YAE1: variants seen among roughly 807,000 people sequenced by gnomAD.
YAE1 encodes the protein protein YAE1 homolog.
YAE1 carries 22 observed loss-of-function variants against 23.0 expected under a neutral mutation model. That is an observed-to-expected ratio of 0.96 (90% CI 0.68 to 1.37). The LOEUF (loss-of-function observed/expected upper bound fraction) is 1.37, where lower values mean the gene tolerates loss of function less well. Ranked by LOEUF, YAE1 falls within the 40% of genes most tolerant of loss-of-function variation. The probability of loss-of-function intolerance (pLI) is 0.00; values close to 1 mark genes in which losing one functional copy is unlikely to be tolerated. For missense variants in YAE1, 260 were observed against 262.1 expected (o/e 0.99, Z 0.06); for synonymous variants, 101 against 97.0 (o/e 1.04, Z -0.24).
intron 2 of YAE1, among the ~76,000 whole-genome samples, chr7:39,601,587 C>T (rs139609704): frequency 1.4e-3 from 206 of 151,988 alleles, no homozygotes; most frequent in Middle Eastern, 6.8e-3. Flanking sequence ...TGGTGAAACC[C>T]CATCTCTACT....
At position 39,609,694 on chromosome 7, in the gene YAE1, G is replaced by C. The variant is rs544221052; in HGVS notation, c.329G>C (p.Arg110Pro). The change falls in exon 3 of 3, where the codon CGT (arginine) becomes CCT (proline). Residue 110 changes from arginine (R) to proline (P), a missense_variant. Coordinates refer to the YAE1 transcript ENST00000432096. ...GAGGTTGGGACGCAACTACTGCCGC[G>C]TCCCCTCCCGGTCCCCGGCCACATG... 2.4e-4 allele frequency: 376 copies of C among 1,535,612 alleles called. 4 individuals are homozygous for C. The African/African-American group carries it at 4.5e-3, about 18-fold the overall frequency.
intron 2 of YAE1, among the ~76,000 whole-genome samples, chr7:39,583,548 G>T (rs1201978575): frequency 6.6e-6 from 1 of 152,226 alleles, no homozygotes; most frequent in East Asian, 1.9e-4. Flanking sequence ...AAGAGAATAT[G>T]ATATTTACAG....
At chr7:39,609,482 G>A (rs879517178) in intron 2 of YAE1, 13 of 1,220,342 alleles carry the variant, frequency 1.1e-5, no homozygotes, top group Non-Finnish European at 1.3e-5. Flanking sequence ...AAGTTGGGGG[G>A]TTGTAACAGA....
chr7:39,597,977 C>CT lies in YAE1; in HGVS notation c.252-11632dup, dbSNP rs1562595896. On this transcript the variant is annotated intron_variant, in intron 2 of 2. Transcript: ENST00000432096. ...AAAATTTTTCTTTTTTTTCTTTTTT[C>CT]TTTTTTTTATTAAATAGGGACAGGG... 2.6e-5 allele frequency among the ~76,000 whole-genome samples: 4 copies of CT among 151,366 alleles called. No individual in the cohort carries two copies. The South Asian group carries it at 6.3e-4, about 24-fold the overall frequency.
intron 2 of YAE1, among the ~76,000 whole-genome samples, chr7:39,593,177 C>CTTTTGTTTTTTTTTTTT (rs1790925063): frequency 1.4e-5 from 1 of 72,110 alleles, no homozygotes; most frequent in Non-Finnish European, 2.3e-5. Flanking sequence ...TTGGTTATTT[C>CTTTTGTTTTTTTTTTTT]TTTTTTTTTT....
chr7:39,586,107 T>C (rs1790809997), intron 2 of YAE1, among the ~76,000 whole-genome samples: 1 of 151,828 alleles, frequency 6.6e-6, no homozygotes, highest in Non-Finnish European at 1.5e-5. Context: ...CTCAAAGAAA[T>C]ATATATATCC....
intron 2 of YAE1, among the ~76,000 whole-genome samples, chr7:39,580,554 CCT>C (rs1238751747): frequency 2.0e-5 from 3 of 152,124 alleles, no homozygotes; most frequent in Non-Finnish European, 4.4e-5. Context: ...ACCTTTGGAT[CCT>C]CTTTCTTTCG....
intron 2 of YAE1, among the ~76,000 whole-genome samples, chr7:39,599,384 G>A (rs1276844534): frequency 2.0e-5 from 3 of 151,918 alleles, no homozygotes; most frequent in African/African-American, 7.3e-5. Flanking sequence ...TTTTGTTTTT[G>A]TTTTTGTTTG....
intron 2 of YAE1, among the ~76,000 whole-genome samples, chr7:39,584,422 C>T (rs111892780): frequency 0.032 from 4,893 of 152,114 alleles, 116 homozygotes; most frequent in Admixed American, 0.069. Flanking sequence ...TTTCAAATGC[C>T]CCAGGAGATG....
chr7:39,570,107 A>G, intron 1 of YAE1: 1 of 1,013,390 alleles, frequency 9.9e-7, no homozygotes, highest in Non-Finnish European at 1.5e-6. Flanking sequence ...GATGATGCGT[A>G]CGTTGCTCTG....
At chr7:39,599,714 A>G (rs1009093192) in intron 2 of YAE1, among the ~76,000 whole-genome samples, 5 of 151,052 alleles carry the variant, frequency 3.3e-5, no homozygotes, top group African/African-American at 7.3e-5. Context: ...GTTTTTATTT[A>G]TTTTATTTAT....
chr7:39,569,809 C>G, intron 1 of YAE1: 1 of 784,322 alleles, frequency 1.3e-6, no homozygotes, highest in Non-Finnish European at 2.3e-6. Context: ...CTCTTCCACT[C>G]TTTATCACTT....
chr7:39,569,840 C>G lies in YAE1; in HGVS notation c.130-666C>G, dbSNP rs909065404. ...CACTTATAAAGTTTATGAAGTCCTTCTGAGTCCTTGGACCCTGAGGATGCC... is the reference window on the plus strand; with the variant it reads ...CACTTATAAAGTTTATGAAGTCCTTGTGAGTCCTTGGACCCTGAGGATGCC... On this transcript the variant is annotated intron_variant, in intron 1 of 2. Transcript: ENST00000223273. The G allele has an allele frequency of 4.8e-6, 4 of 828,890 alleles. No homozygotes were observed. The African/African-American group carries it at 5.0e-5, about 10-fold the overall frequency. The allele number at this position is 828,890 out of a possible 1,614,324, so 51.3% of individuals were successfully genotyped here.
intron 2 of YAE1, among the ~76,000 whole-genome samples, chr7:39,589,917 CG>C (rs1396826300): frequency 6.6e-6 from 1 of 152,162 alleles, no homozygotes; most frequent in Non-Finnish European, 1.5e-5. Flanking sequence ...CCACAAGAGA[CG>C]GAGACTATGA....
At chr7:39,607,544 A>C (rs145277225) in intron 2 of YAE1, among the ~76,000 whole-genome samples, 2 of 152,240 alleles carry the variant, frequency 1.3e-5, no homozygotes, top group African/African-American at 4.8e-5. Context: ...AGTAAGATCC[A>C]TGTTGGACTT....
At chr7:39,586,323 C>CCA (rs749190131) in intron 2 of YAE1, among the ~76,000 whole-genome samples, 2 of 151,136 alleles carry the variant, frequency 1.3e-5, no homozygotes, top group Non-Finnish European at 2.9e-5. Context: ...CAGGCGCCTG[C>CCA]CACCATGCCC....
At chr7:39,576,541 A>G (rs1239516769), downstream of YAE1, among the ~76,000 whole-genome samples, 1 of 152,058 alleles carries the variant, frequency 6.6e-6, no homozygotes, top group Non-Finnish European at 1.5e-5. Context: ...CCCAACTTAG[A>G]TTTTTACTCA....
intron 2 of YAE1, among the ~76,000 whole-genome samples, chr7:39,594,236 T>C (rs553882839): frequency 1.3e-5 from 2 of 152,322 alleles, no homozygotes; most frequent in African/African-American, 4.8e-5. Context: ...GTAGATTTTA[T>C]ATTCACAAAC....
chr7:39,571,467 T>A (rs1790564658), intron 2 of YAE1, among the ~76,000 whole-genome samples: 1 of 151,868 alleles, frequency 6.6e-6, no homozygotes. Context: ...GAAGAGTAGA[T>A]GATAAAAGTT....
Sources: allele counts gnomAD v4.1 joint callset (sites outside exome capture counted in the v4.1 genomes callset), GRCh38; gene constraint gnomAD v4.1.1; transcripts MANE v1.5; gene names NCBI Gene and HGNC (gene_info 2026-07-23, HGNC 2026-07-21).